Variants in POU2F2 observed in about 807,000 individuals in gnomAD.
POU2F2 encodes the protein POU class 2 homeobox 2.
A neutral mutation model predicts 63.5 loss-of-function variants in POU2F2; 14 were observed. The observed-to-expected ratio is 0.22, with a 90% CI of 0.15 to 0.34. The LOEUF is 0.34. POU2F2 is among the 10% of genes least tolerant of loss of function. The pLI, the probability that POU2F2 is intolerant of heterozygous loss-of-function variation, is 1.00. For missense variants in POU2F2, 607 were observed against 815.2 expected (o/e 0.74, Z 3.11); for synonymous variants, 306 against 348.6 (o/e 0.88, Z 1.36).
At chr19:42,130,711 CCT>C (rs1330805392) in intron 1 of POU2F2, among the ~76,000 whole-genome samples, 1 of 151,510 alleles carries the variant, frequency 6.6e-6, no homozygotes, top group Non-Finnish European at 1.5e-5. Context: ...TCATCCCACC[CCT>C]CTCCTCACCG....
upstream of POU2F2, among the ~76,000 whole-genome samples, chr19:42,135,793 C>T (rs1392326220): frequency 1.3e-5 from 2 of 151,564 alleles, no homozygotes; most frequent in African/African-American, 4.8e-5. Flanking sequence ...CTGCAACCTC[C>T]GCCTCCTGGG....
rs370716576 is a variant in POU2F2, at chr19:42,104,708, C to G, written c.370-4887G>C. On this transcript the variant is annotated intron_variant, in intron 5 of 14. Transcript: ENST00000692977. ...TATGCATAGTTGATGTCTGGAAAAC[C>G]ATACCAGAAGGCCACGCTGTAAATC... Among the ~76,000 whole-genome samples, 33 of 152,208 alleles carry G rather than the reference C, an allele frequency of 2.2e-4. 1 individual carries two copies. The South Asian group carries it at 6.9e-3, about 32-fold the overall frequency.
chr19:42,091,432 A>G lies in POU2F2; in HGVS notation c.1700T>C (p.Val567Ala), dbSNP rs2076708904. The G allele has an allele frequency of 6.5e-7, 1 of 1,550,340 alleles. No individual in the cohort carries two copies. Among genetic ancestry groups the G allele is most frequent in the East Asian group, 2.4e-5 (1 of 40,916 alleles). The change falls in exon 15 of 15, where the codon GTG becomes GCG. Residue 567 changes from valine to alanine, a missense_variant. Val to Ala is a moderately conservative substitution (Grantham distance 64). Coordinates refer to ENST00000692977, the MANE Select transcript of POU2F2 (RefSeq NM_001394376.1). Reference protein sequence around the residue: ...GLPLLSTPPGVGLVSAAAAAV... With the variant: ...GLPLLSTPPGAGLVSAAAAAV... ...CGCAGCCGCTGCTGAGACCAGGCCC[A>G]CACCAGGCGGGGTGCTGAGCAGGGG...
rs74259559 is a variant in POU2F2 at position 42,155,869 on chromosome 19, T to C, written c.-9+4463A>G. 15,691 of 151,834 alleles carry C rather than the reference T, an allele frequency of 0.1. 963 individuals carry two copies. The highest frequency in any genetic ancestry group is 0.2 in the Middle Eastern group (60 of 298). The allele number at this position is 151,834 out of a possible 1,614,324, so 9.4% of individuals were successfully genotyped here. A position where few individuals can be genotyped will look rare whatever the true frequency, so the allele number is the denominator to read the frequency against. The stretch of plus-strand genomic sequence containing the variant: ...AGAGGCCAAGACACATAATGAAGAC[T>C]AAGAAAAGGAAGAAAGATGATGCTG... On this transcript the variant is annotated intron_variant, in intron 2 of 6. Transcript: ENST00000524801. The surrounding 1 kb of genome is among the most constrained non-coding windows in gnomAD (Gnocchi z 4.2).
intron 1 of POU2F2, among the ~76,000 whole-genome samples, chr19:42,182,910 G>A (rs2034977993): frequency 6.6e-6 from 1 of 152,176 alleles, no homozygotes; most frequent in Non-Finnish European, 1.5e-5. Context: ...ATGGAGCAGG[G>A]CCCTGAGACC....
At chr19:42,103,123 C>A (rs1453553062) in intron 5 of POU2F2, among the ~76,000 whole-genome samples, 1 of 152,046 alleles carries the variant, frequency 6.6e-6, no homozygotes, top group South Asian at 2.1e-4. Context: ...GACACTAATG[C>A]CTGGATCCTA....
chr19:42,173,047 C>A (rs1304804058), intron 1 of POU2F2, among the ~76,000 whole-genome samples: 1 of 152,154 alleles, frequency 6.6e-6, no homozygotes, highest in East Asian at 1.9e-4. Flanking sequence ...AGGGACACCA[C>A]TGGGGCTGCT....
At chr19:42,193,003 G>A (rs983191778) in intron 1 of POU2F2, among the ~76,000 whole-genome samples, 8 of 151,604 alleles carry the variant, frequency 5.3e-5, no homozygotes, top group African/African-American at 1.7e-4. Flanking sequence ...GGCGGATCAC[G>A]AAGTCAGGAG....
intron 7 of POU2F2, among the ~76,000 whole-genome samples, chr19:42,097,470 T>C (rs2146341381): frequency 6.6e-6 from 1 of 151,918 alleles, no homozygotes; most frequent in South Asian, 2.1e-4. Context: ...GTGCTGGGAT[T>C]ACAGGGGTGA....
chr19:42,172,313 G>T (rs1220730860), intron 1 of POU2F2, among the ~76,000 whole-genome samples: 1 of 152,176 alleles, frequency 6.6e-6, no homozygotes, highest in Non-Finnish European at 1.5e-5. Flanking sequence ...TCAGAGTCTA[G>T]GCCTTTGTTG....
chr19:42,197,359 G>A (rs369827642), upstream of POU2F2, among the ~76,000 whole-genome samples: 41 of 152,316 alleles, frequency 2.7e-4, 1 homozygote, highest in African/African-American at 9.6e-4. Context: ...CTTCCTCCCA[G>A]AGAGGGTCAA....
intron 5 of POU2F2, among the ~76,000 whole-genome samples, chr19:42,114,270 T>C (rs2031547731): frequency 6.6e-6 from 1 of 152,100 alleles, no homozygotes; most frequent in Admixed American, 6.5e-5. Context: ...GGCTGCCCTG[T>C]TCTGCCTTCT....
intron 5 of POU2F2, among the ~76,000 whole-genome samples, chr19:42,103,636 T>C (rs973931717): frequency 4.2e-4 from 59 of 139,658 alleles, no homozygotes; most frequent in Non-Finnish European, 7.9e-4. Flanking sequence ...TCTTTTTTTT[T>C]TTTTTTTTTT....
intron 1 of POU2F2, among the ~76,000 whole-genome samples, chr19:42,182,932 A>G (rs564015947): frequency 1.3e-5 from 2 of 152,160 alleles, no homozygotes; most frequent in African/African-American, 2.4e-5. Flanking sequence ...CAAGCGGGGA[A>G]TCGAAGACCA....
chr19:42,116,267 T>C (rs546246807), intron 5 of POU2F2, among the ~76,000 whole-genome samples: 5 of 152,274 alleles, frequency 3.3e-5, no homozygotes, highest in Admixed American at 3.3e-4. Flanking sequence ...GGGCCCCTTT[T>C]TTGAAAGAGC....
intron 1 of POU2F2, among the ~76,000 whole-genome samples, chr19:42,190,298 T>C (rs1171982576): frequency 6.6e-6 from 1 of 152,056 alleles, no homozygotes; most frequent in Non-Finnish European, 1.5e-5. Flanking sequence ...TGTGTGTATA[T>C]ATATGTATAA....
At chr19:42,131,621 C>T (rs1206096388) in intron 1 of POU2F2, among the ~76,000 whole-genome samples, 1 of 152,224 alleles carries the variant, frequency 6.6e-6, no homozygotes, top group Non-Finnish European at 1.5e-5. Context: ...TTGTACAGTG[C>T]CTGGTGCACA....
intron 4 of POU2F2, among the ~76,000 whole-genome samples, chr19:42,120,139 G>A (rs974762579): frequency 4.0e-5 from 6 of 151,796 alleles, no homozygotes; most frequent in African/African-American, 9.7e-5. Context: ...TTGAACTCCC[G>A]GGCTCAAGCG....
chr19:42,192,446 A>C (rs1332239535), intron 1 of POU2F2, among the ~76,000 whole-genome samples: 1 of 152,196 alleles, frequency 6.6e-6, no homozygotes, highest in African/African-American at 2.4e-5. Context: ...GGTTGGATCT[A>C]ACTCATCTTG....
Sources: allele counts gnomAD v4.1 joint callset (sites outside exome capture counted in the v4.1 genomes callset), GRCh38; gene constraint gnomAD v4.1.1; non-coding constraint Gnocchi (gnomAD v3.1); transcripts MANE v1.5; gene names NCBI Gene and HGNC (gene_info 2026-07-23, HGNC 2026-07-21).